Variants in HS6ST3 observed in about 807,000 individuals in gnomAD.
HS6ST3 encodes heparan sulfate 6-O-sulfotransferase 3, also known as heparan-sulfate 6-O-sulfotransferase 3.
A neutral mutation model predicts 36.7 loss-of-function variants in HS6ST3; 12 were observed. The observed-to-expected ratio is 0.33, with a 90% CI of 0.21 to 0.53. The LOEUF (loss-of-function observed/expected upper bound fraction) is 0.53, where lower values mean the gene tolerates loss of function less well. Among genes scored for constraint, HS6ST3 ranks in the 20% least tolerant of loss-of-function variants. HS6ST3 has a pLI of 0.95. For missense variants in HS6ST3, 584 were observed against 640.9 expected (o/e 0.91, Z 0.96); for synonymous variants, 240 against 257.5 (o/e 0.93, Z 0.65).
intron 1 of HS6ST3, among the ~76,000 whole-genome samples, chr13:96,123,575 T>C (rs917267601): frequency 1.3e-5 from 2 of 152,194 alleles, no homozygotes; most frequent in Non-Finnish European, 1.5e-5. Context: ...ATGAGACCTT[T>C]CTGTCACTCT....
At chr13:96,783,074 G>T (rs146167133) in intron 1 of HS6ST3, among the ~76,000 whole-genome samples, 1 of 152,168 alleles carries the variant, frequency 6.6e-6, no homozygotes, top group Admixed American at 6.5e-5. Flanking sequence ...AGAGCACATT[G>T]TTTGTTCAAG....
chr13:96,670,465 T>C lies in HS6ST3; in HGVS notation c.708-162025T>C, dbSNP rs576553574. Among the ~76,000 whole-genome samples, 3 of 152,050 alleles carry C rather than the reference T, an allele frequency of 2.0e-5. No homozygotes were observed. The South Asian group carries it at 6.2e-4, about 32-fold the overall frequency. ...TCAAGAGTAATTTTTTTTAAAGGCA[T>C]GAGATCTTATAGCAAGAATGTATAC... On this transcript the variant is annotated intron_variant, in intron 1 of 1. Coordinates refer to ENST00000376705, the MANE Select transcript of HS6ST3 (RefSeq NM_153456.4).
rs763591899 is a variant in HS6ST3, at chr13:96,832,627, C to T, written c.845C>T (p.Pro282Leu). The change falls in exon 2 of 2, where the codon CCT becomes CTT. Residue 282 changes from proline to leucine, a missense_variant. Transcript: ENST00000376705. ...DGRSPTPDEL[P>L]TCYPGDDWSG... The stretch of plus-strand genomic sequence containing the variant: ...AGAAGCCCCACCCCAGATGAGCTGC[C>T]TACCTGCTACCCTGGGGATGACTGG... 1 of 1,614,160 alleles carries T rather than the reference C, an allele frequency of 6.2e-7. No individual in the cohort carries two copies. The highest frequency in any genetic ancestry group is 1.7e-5 in the Admixed American group (1 of 60,030).
At chr13:96,444,674 ATATT>A (rs776750509) in intron 1 of HS6ST3, among the ~76,000 whole-genome samples, 4 of 152,226 alleles carry the variant, frequency 2.6e-5, no homozygotes, top group Non-Finnish European at 4.4e-5. Context: ...ATGTAGGAAT[ATATT>A]TAGTAGGGTT....
intron 1 of HS6ST3, among the ~76,000 whole-genome samples, chr13:96,778,389 C>T (rs1400041465): frequency 6.6e-6 from 1 of 152,078 alleles, no homozygotes; most frequent in Non-Finnish European, 1.5e-5. Flanking sequence ...GAACAGGCAA[C>T]CTACACAATG....
At chr13:96,586,521 C>G (rs2056362107) in intron 1 of HS6ST3, among the ~76,000 whole-genome samples, 2 of 152,288 alleles carry the variant, frequency 1.3e-5, no homozygotes, top group South Asian at 2.1e-4. Flanking sequence ...GTCTCAAACT[C>G]TTGACCTCAG....
intron 1 of HS6ST3, among the ~76,000 whole-genome samples, chr13:96,756,883 C>T (rs1876844380): frequency 6.6e-6 from 1 of 152,180 alleles, no homozygotes; most frequent in South Asian, 2.1e-4. Flanking sequence ...TTCTATGCTG[C>T]ATAAAAAATC....
intron 1 of HS6ST3, among the ~76,000 whole-genome samples, chr13:96,807,381 A>G (rs1362628043): frequency 1.3e-5 from 2 of 152,150 alleles, no homozygotes; most frequent in Non-Finnish European, 2.9e-5. Context: ...AGGTAATTAG[A>G]TAAATTAAGG....
At chr13:96,476,095 T>G (rs1160354945) in intron 1 of HS6ST3, among the ~76,000 whole-genome samples, 4 of 152,214 alleles carry the variant, frequency 2.6e-5, no homozygotes, top group Non-Finnish European at 5.9e-5. Flanking sequence ...ACATTTCTGT[T>G]AAAAGGGATG....
chr13:96,819,281 G>C (rs974160683), intron 1 of HS6ST3, among the ~76,000 whole-genome samples: 1 of 152,130 alleles, frequency 6.6e-6, no homozygotes, highest in Admixed American at 6.5e-5. Context: ...CAGAAAAAAA[G>C]AGACCCCAGA....
chr13:96,212,188 A>G (rs2054402341), intron 1 of HS6ST3, among the ~76,000 whole-genome samples: 1 of 152,256 alleles, frequency 6.6e-6, no homozygotes, highest in Non-Finnish European at 1.5e-5. Context: ...GAATTGAAAT[A>G]CCAGCATCAG....
intron 1 of HS6ST3, among the ~76,000 whole-genome samples, chr13:96,775,967 G>T (rs1268285267): frequency 2.0e-5 from 3 of 152,096 alleles, no homozygotes; most frequent in Non-Finnish European, 4.4e-5. Flanking sequence ...AAGTGCAAAA[G>T]AATGGAAATC....
chr13:96,214,685 G>A (rs1027435579), intron 1 of HS6ST3, among the ~76,000 whole-genome samples: 1 of 152,124 alleles, frequency 6.6e-6, no homozygotes, highest in Non-Finnish European at 1.5e-5. Context: ...CTGGAGCTGT[G>A]CACATGTAAC....
chr13:96,813,808 A>C (rs1878368206), intron 1 of HS6ST3, among the ~76,000 whole-genome samples: 1 of 152,238 alleles, frequency 6.6e-6, no homozygotes, highest in Admixed American at 6.5e-5. Context: ...CACAAACAAA[A>C]GAATAGACAC....
chr13:96,718,213 A>G (rs547688274), intron 1 of HS6ST3, among the ~76,000 whole-genome samples: 1 of 152,272 alleles, frequency 6.6e-6, no homozygotes, highest in South Asian at 2.1e-4. Flanking sequence ...GTTTATGTCT[A>G]TCTCCCCCAC....
At chr13:96,273,249 A>G (rs2139389459) in intron 1 of HS6ST3, among the ~76,000 whole-genome samples, 1 of 152,054 alleles carries the variant, frequency 6.6e-6, no homozygotes, top group Non-Finnish European at 1.5e-5. Flanking sequence ...AGTTCTGACC[A>G]ATGAATCATT....
intron 1 of HS6ST3, among the ~76,000 whole-genome samples, chr13:96,782,440 T>G (rs781193982): frequency 4.2e-4 from 64 of 152,150 alleles, no homozygotes; most frequent in Non-Finnish European, 7.3e-4. Context: ...AGGTGGTCAC[T>G]TGCCAGCTCT....
intron 1 of HS6ST3, among the ~76,000 whole-genome samples, chr13:96,491,864 A>C (rs1326951818): frequency 6.6e-6 from 1 of 152,064 alleles, no homozygotes; most frequent in Non-Finnish European, 1.5e-5. Flanking sequence ...AAGATCTCCC[A>C]GACAACTTTT....
chr13:96,116,650 TTGAAC>T (rs761658390), intron 1 of HS6ST3, among the ~76,000 whole-genome samples: 9 of 152,238 alleles, frequency 5.9e-5, no homozygotes, highest in Non-Finnish European at 8.8e-5. Context: ...GTATGCACTA[TTGAAC>T]TGAACTTTCA....
Sources: allele counts gnomAD v4.1 joint callset (sites outside exome capture counted in the v4.1 genomes callset), GRCh38; gene constraint gnomAD v4.1.1; transcripts MANE v1.5; gene names NCBI Gene and HGNC (gene_info 2026-07-23, HGNC 2026-07-21).